GPC5: variants seen among roughly 807,000 people sequenced by gnomAD.
GPC5 encodes glypican-5.
GPC5 carries 47 observed loss-of-function variants against 53.9 expected under a neutral mutation model. The ratio of observed to expected loss-of-function variants is 0.87; its 90% CI spans 0.69 to 1.11. GPC5 has a LOEUF of 1.11. Ranked by LOEUF, GPC5 falls within the 50% of genes most tolerant of loss-of-function variation. The pLI is 0.00. For synonymous variants in GPC5, 286 were observed against 263.3 expected, an observed-to-expected ratio of 1.09 and a Z score of -0.84; for missense variants, 748 against 713.1, an observed-to-expected ratio of 1.05 and a Z score of -0.56.
chr13:92,682,815 T>G (rs562124792), intron 7 of GPC5, among the ~76,000 whole-genome samples: 1 of 152,222 alleles, frequency 6.6e-6, no homozygotes, highest in East Asian at 1.9e-4. Flanking sequence ...ACACAAAAGT[T>G]AATTATACAT....
intron 7 of GPC5, among the ~76,000 whole-genome samples, chr13:92,286,739 GT>G: frequency 7.6e-6 from 1 of 132,366 alleles, no homozygotes; most frequent in Admixed American, 8.2e-5. Context: ...CTGTTGTGGG[GT>G]TGGGGGAGGG....
chr13:92,085,923 C>T (rs915225059), intron 6 of GPC5, among the ~76,000 whole-genome samples: 8 of 152,186 alleles, frequency 5.3e-5, no homozygotes, highest in African/African-American at 1.9e-4. Flanking sequence ...CACTCAGCCG[C>T]CACTCACCCC....
chr13:91,790,573 T>C (rs1209261119), intron 5 of GPC5, among the ~76,000 whole-genome samples: 1 of 152,256 alleles, frequency 6.6e-6, no homozygotes, highest in Non-Finnish European at 1.5e-5. Flanking sequence ...ATAATGTTAA[T>C]GATGATTTCT....
chr13:92,357,776 A>G (rs1263279068), intron 7 of GPC5, among the ~76,000 whole-genome samples: 1 of 151,492 alleles, frequency 6.6e-6, no homozygotes, highest in Non-Finnish European at 1.5e-5. Flanking sequence ...TTCACTGACT[A>G]TGACAAGAAC....
chr13:92,777,321 G>C (rs180834817), intron 7 of GPC5, among the ~76,000 whole-genome samples: 1,404 of 137,022 alleles, frequency 0.01, 8 homozygotes, highest in South Asian at 0.017. Flanking sequence ...GGGCAATAGA[G>C]GGAGACTCCA....
intron 2 of GPC5, among the ~76,000 whole-genome samples, chr13:91,582,414 AAAC>A (rs1435841908): frequency 6.6e-6 from 1 of 152,204 alleles, no homozygotes; most frequent in Non-Finnish European, 1.5e-5. Flanking sequence ...TCAAACAAAC[AAAC>A]AACAGCAGCA....
intron 7 of GPC5, among the ~76,000 whole-genome samples, chr13:92,330,524 G>T (rs771271037): frequency 2.3e-4 from 35 of 152,076 alleles, no homozygotes; most frequent in Non-Finnish European, 4.4e-4. Flanking sequence ...TGTGGAAATT[G>T]CAGAAATATA....
chr13:91,871,716 T>G (rs1051143307), intron 5 of GPC5, among the ~76,000 whole-genome samples: 3 of 151,990 alleles, frequency 2.0e-5, no homozygotes, highest in African/African-American at 7.2e-5. Flanking sequence ...TCAGCCACTT[T>G]GGATTAGATT....
intron 7 of GPC5, among the ~76,000 whole-genome samples, chr13:92,341,918 G>A (rs1331836184): frequency 2.0e-5 from 3 of 152,182 alleles, no homozygotes; most frequent in East Asian, 1.9e-4. Flanking sequence ...ATTATGAAAC[G>A]GGAAATTGGA....
intron 7 of GPC5, among the ~76,000 whole-genome samples, chr13:92,336,938 G>A (rs527276219): frequency 5.3e-5 from 8 of 152,172 alleles, no homozygotes; most frequent in South Asian, 2.1e-4. Flanking sequence ...CATGTATAGC[G>A]GAATTGCCTT....
chr13:92,537,173 T>C (rs1428489242), intron 7 of GPC5, among the ~76,000 whole-genome samples: 1 of 152,174 alleles, frequency 6.6e-6, no homozygotes, highest in Non-Finnish European at 1.5e-5. Context: ...TGTAAATATC[T>C]GAATGCATAT....
intron 7 of GPC5, among the ~76,000 whole-genome samples, chr13:92,771,782 C>T (rs1219385390): frequency 6.6e-6 from 1 of 152,090 alleles, no homozygotes; most frequent in Admixed American, 6.5e-5. Flanking sequence ...CTACAAACAC[C>T]ATCTGTATTT....
chr13:91,860,236 C>T (rs563855396), intron 5 of GPC5, among the ~76,000 whole-genome samples: 53 of 152,142 alleles, frequency 3.5e-4, no homozygotes, highest in African/African-American at 1.2e-3. Context: ...CTTACGCTTC[C>T]CAGCCTCTAG....
intron 6 of GPC5, among the ~76,000 whole-genome samples, chr13:92,058,049 C>T (rs1320192554): frequency 6.6e-6 from 1 of 152,186 alleles, no homozygotes; most frequent in Non-Finnish European, 1.5e-5. Flanking sequence ...GACTCCATCC[C>T]AGTCTTCTGA....
At chr13:92,521,218 G>T (rs374082748) in intron 7 of GPC5, among the ~76,000 whole-genome samples, 3 of 151,990 alleles carry the variant, frequency 2.0e-5, no homozygotes, top group African/African-American at 7.2e-5. Context: ...AATTTACAGA[G>T]TCGATGCCAT....
At position 91,558,148 on chromosome 13, in the gene GPC5, G is replaced by A. The variant is rs563294552; in HGVS notation, c.325+109226G>A. 3.3e-5 allele frequency among the ~76,000 whole-genome samples: 5 copies of A among 152,176 alleles called. No homozygotes were observed. The South Asian group carries it at 1.0e-3, about 32-fold the overall frequency. ...CAGTTTCTACTGAAGCTGTAACTTT[G>A]GAATTGGTTGTTGCTGAGAAGTGAG... On this transcript the variant is annotated intron_variant, in intron 2 of 7. Coordinates refer to ENST00000377067, the MANE Select transcript of GPC5 (RefSeq NM_004466.6).
chr13:91,906,567 C>A lies in GPC5; in HGVS notation c.1281-1370C>A, dbSNP rs148585205. 4.4e-3 allele frequency among the ~76,000 whole-genome samples: 666 copies of A among 152,024 alleles called. 7 individuals carry two copies. Among genetic ancestry groups the A allele is most frequent in the African/African-American group, 0.015 (621 of 41,476 alleles). On this transcript the variant is annotated intron_variant, in intron 5 of 7. Transcript: ENST00000377067. ...TAATAAAATGTAATGAATAAACATACAAATGAATGAGTTAATTACTATATT... is the reference window on the plus strand; with the variant it reads ...TAATAAAATGTAATGAATAAACATAAAAATGAATGAGTTAATTACTATATT...
chr13:92,228,136 G>A (rs2042502174), intron 7 of GPC5, among the ~76,000 whole-genome samples: 4 of 150,882 alleles, frequency 2.7e-5, no homozygotes, highest in Admixed American at 1.3e-4. Context: ...GAGTGGCAGA[G>A]GCATAAGAGA....
chr13:92,328,118 G>T (rs2043264510), intron 7 of GPC5, among the ~76,000 whole-genome samples: 1 of 152,146 alleles, frequency 6.6e-6, no homozygotes, highest in Non-Finnish European at 1.5e-5. Context: ...TTATTAAAAT[G>T]AGAACCTTCT....
Sources: gnomAD v4.1 joint callset for allele counts (sites outside exome capture counted in the v4.1 genomes callset) on GRCh38, gnomAD v4.1.1 for gene constraint, MANE v1.5 for transcripts, NCBI Gene and HGNC (gene_info 2026-07-23, HGNC 2026-07-21) for gene names.